Variants in PRMT3 observed in about 807,000 individuals in gnomAD.
PRMT3 encodes protein arginine N-methyltransferase 3.
Under a neutral mutation model 71.9 loss-of-function variants are expected in PRMT3, and 62 were observed. That is an observed-to-expected ratio of 0.86 (90% CI 0.70 to 1.07). The LOEUF (loss-of-function observed/expected upper bound fraction) is 1.07, where lower values mean the gene tolerates loss of function less well. Ranked by LOEUF, PRMT3 falls within the 50% of genes least tolerant of loss-of-function variation. The probability of loss-of-function intolerance (pLI) is 0.00; values close to 1 mark genes in which losing one functional copy is unlikely to be tolerated. For missense variants in PRMT3, 663 were observed against 643.0 expected (o/e 1.03, Z -0.34); for synonymous variants, 213 against 220.4 (o/e 0.97, Z 0.30).
chr11:20,484,462 G>A (rs1454893325), intron 13 of PRMT3, among the ~76,000 whole-genome samples: 2 of 152,156 alleles, frequency 1.3e-5, no homozygotes, highest in African/African-American at 4.8e-5. Context: ...TTGTGGGAGG[G>A]ATCCAGTAAG....
intron 8 of PRMT3, chr11:20,407,038 T>C (rs544963738): frequency 6.6e-6 from 1 of 152,258 alleles, no homozygotes; most frequent in East Asian, 1.9e-4. Flanking sequence ...CGAGCACAAT[T>C]ATAAGGTAAT....
chr11:20,442,352 GT>G (rs1318786948), intron 10 of PRMT3, among the ~76,000 whole-genome samples: 4 of 150,902 alleles, frequency 2.7e-5, no homozygotes, highest in African/African-American at 9.7e-5. Context: ...TTAATTTTGT[GT>G]TTTAGTTATG....
chr11:20,418,182 T>C (rs149062670), intron 9 of PRMT3, among the ~76,000 whole-genome samples: 2,274 of 152,318 alleles, frequency 0.015, 30 homozygotes, highest in Non-Finnish European at 0.021. Context: ...CTTAAAGATA[T>C]CCTTTTTATT....
chr11:20,450,249 G>A (rs1250969691), intron 10 of PRMT3, among the ~76,000 whole-genome samples: 1 of 151,962 alleles, frequency 6.6e-6, no homozygotes, highest in Non-Finnish European at 1.5e-5. Flanking sequence ...CTTGCAGATA[G>A]GGACCATTTT....
At chr11:20,475,282 C>A (rs754281708) in intron 13 of PRMT3, among the ~76,000 whole-genome samples, 48 of 152,200 alleles carry the variant, frequency 3.2e-4, no homozygotes, top group Non-Finnish European at 6.2e-4. Context: ...AGAGGAACTT[C>A]TACTTTCTAC....
intron 10 of PRMT3, among the ~76,000 whole-genome samples, chr11:20,428,884 C>G (rs1849600067): frequency 6.6e-6 from 1 of 152,154 alleles, no homozygotes; most frequent in Non-Finnish European, 1.5e-5. Context: ...GTTCCACTTC[C>G]CACCGAACAG....
At chr11:20,466,023 C>A (rs10430902) in intron 13 of PRMT3, among the ~76,000 whole-genome samples, 124,625 of 152,074 alleles carry the variant, frequency 0.82, 52,943 homozygotes, top group Non-Finnish European at 0.95. Context: ...ATTTTCAGTG[C>A]CTATCACATG....
At chr11:20,422,031 C>T (rs1361210144) in intron 9 of PRMT3, among the ~76,000 whole-genome samples, 1 of 149,326 alleles carries the variant, frequency 6.7e-6, no homozygotes, top group Non-Finnish European at 1.5e-5. Flanking sequence ...ATGGCAGTTA[C>T]CCCTCTTGCG....
intron 8 of PRMT3, among the ~76,000 whole-genome samples, chr11:20,403,760 G>T (rs1335138356): frequency 2.0e-5 from 3 of 151,784 alleles, no homozygotes; most frequent in African/African-American, 7.3e-5. Flanking sequence ...ACCTTTCCTT[G>T]GAAATTTTTT....
intron 10 of PRMT3, among the ~76,000 whole-genome samples, chr11:20,429,633 G>A (rs1992567): frequency 0.029 from 4,368 of 152,274 alleles, 213 homozygotes; most frequent in African/African-American, 0.098. Flanking sequence ...GGATAACTAA[G>A]AACTTTTCTT....
rs1438845211 is a variant in PRMT3 at position 20,404,228 on chromosome 11, T to TG, written c.771+1244_771+1245insG. Among the ~76,000 whole-genome samples the TG allele has an allele frequency of 3.4e-3, 345 of 101,816 alleles. 2 individuals carry two copies. The highest frequency in any genetic ancestry group is 0.014 in the East Asian group (50 of 3,450). 66.8% of individuals were successfully genotyped at this position (101,816 alleles called of 152,430 possible). A position where few individuals can be genotyped will look rare whatever the true frequency, so the allele number is the denominator to read the frequency against. On this transcript the variant is annotated intron_variant, in intron 8 of 15. Transcript: ENST00000331079. ...TTTTCATAGTTTTTTTTTTTTTTTTTTTTTTTTTTTTTTTTTTTTTTTTTG... is the reference window on the plus strand; with the variant it reads ...TTTTCATAGTTTTTTTTTTTTTTTTTGTTTTTTTTTTTTTTTTTTTTTTTTG...
chr11:20,411,716 G>A (rs527549401), intron 9 of PRMT3, among the ~76,000 whole-genome samples: 59 of 152,110 alleles, frequency 3.9e-4, no homozygotes, highest in Non-Finnish European at 7.2e-4. Flanking sequence ...TACCAATTTA[G>A]CTAAGTGAAC....
At chr11:20,399,726 T>A (rs909496863) in intron 7 of PRMT3, among the ~76,000 whole-genome samples, 4 of 152,176 alleles carry the variant, frequency 2.6e-5, no homozygotes, top group African/African-American at 9.6e-5. Context: ...TCAGGGAAAT[T>A]CAGTTTGAGT....
chr11:20,419,879 T>C (rs1438285966), intron 9 of PRMT3, among the ~76,000 whole-genome samples: 1 of 152,154 alleles, frequency 6.6e-6, no homozygotes, highest in Non-Finnish European at 1.5e-5. Flanking sequence ...AATAAAAATA[T>C]TGGAAAGCTA....
At chr11:20,457,546 C>G (rs114450133) in intron 11 of PRMT3, among the ~76,000 whole-genome samples, 170 of 152,250 alleles carry the variant, frequency 1.1e-3, no homozygotes, top group African/African-American at 3.8e-3. Flanking sequence ...TAAAATTATT[C>G]AAAAGTCTAA....
chr11:20,495,712 A>C (rs1851316899), intron 15 of PRMT3, among the ~76,000 whole-genome samples: 1 of 152,108 alleles, frequency 6.6e-6, no homozygotes, highest in East Asian at 1.9e-4. Context: ...TAAAAGTTAG[A>C]ATTTGATTAT....
chr11:20,508,096 G>A (rs946081611), intron 15 of PRMT3, among the ~76,000 whole-genome samples: 1 of 147,290 alleles, frequency 6.8e-6, no homozygotes, highest in Admixed American at 6.9e-5. Flanking sequence ...AATGCAGTGA[G>A]CTGAGATCAC....
In PRMT3 at chr11:20,462,158, T is replaced by C. The variant is rs1340733851; in HGVS notation, c.1251T>C (p.Cys417=). 6.2e-7 allele frequency: 1 copy of C among 1,604,972 alleles called. No homozygotes were observed. Among genetic ancestry groups the C allele is most frequent in the South Asian group, 1.1e-5 (1 of 89,624 alleles). ...CGAAGACTCTTATTTCAGAACCTTG[T>C]GGTATTAAGGTAGGTGTTTTACCAA... ...LDPKTLISEP[C]GIKHIDCHTT... The change falls in exon 12 of 16, where the codon TGT becomes TGC. Residue 417 remains cysteine (C), a synonymous_variant. Transcript: ENST00000331079.
At chr11:20,399,389 G>A (rs1848900099) in intron 7 of PRMT3, among the ~76,000 whole-genome samples, 1 of 152,102 alleles carries the variant, frequency 6.6e-6, no homozygotes, top group Non-Finnish European at 1.5e-5. Flanking sequence ...TGTCATGGTT[G>A]TGCTTTTTGT....
Sources: gnomAD v4.1 joint callset for allele counts (sites outside exome capture counted in the v4.1 genomes callset) on GRCh38, gnomAD v4.1.1 for gene constraint, MANE v1.5 for transcripts, NCBI Gene and HGNC (gene_info 2026-07-23, HGNC 2026-07-21) for gene names.